The following ABCD4 variants were observed in gnomAD, a reference collection of about 807,000 sequenced individuals.
ABCD4 encodes ATP binding cassette subfamily D member 4.
In ABCD4, 53 loss-of-function variants were observed where a neutral mutation model predicts 86.3. That is an observed-to-expected ratio of 0.61 (90% CI 0.49 to 0.77). The LOEUF (loss-of-function observed/expected upper bound fraction) is 0.77, where lower values mean the gene tolerates loss of function less well. ABCD4 is among the 30% of genes least tolerant of loss of function. The pLI is 0.00. For missense variants in ABCD4, 757 were observed against 764.5 expected, an observed-to-expected ratio of 0.99 and a Z score of 0.12; for synonymous variants, 328 against 313.6, an observed-to-expected ratio of 1.05 and a Z score of -0.49.
chr14:74,292,238 A>T, intron 11 of ABCD4, 49 bp downstream of exon 11: 1 of 1,589,716 alleles, frequency 6.3e-7, no homozygotes, highest in Non-Finnish European at 8.6e-7. Context: ...AAGCCAGGTG[A>T]TGCCACAGCC....
At chr14:74,288,881 A>C (rs2080600909) in intron 14 of ABCD4, 116 bp from the exon 15 acceptor site, 5 of 1,308,234 alleles carry the variant, frequency 3.8e-6, no homozygotes, top group East Asian at 5.1e-5. Flanking sequence ...TGGGAGGCCG[A>C]GGCAGGTGGA....
chr14:74,301,983 C>T (rs2084710141), intron 1 of ABCD4, among the ~76,000 whole-genome samples: 1 of 149,900 alleles, frequency 6.7e-6, no homozygotes, highest in Non-Finnish European at 1.5e-5. Context: ...ATTACAAAAC[C>T]AGCCGCCACT....
rs1038436439 is a variant in ABCD4, at chr14:74,292,015, C to T, written c.1118+272G>A. On this transcript the variant is annotated intron_variant, in intron 11 of 18. Transcript: ENST00000356924. ...GAGAGGAATCAGCGGGAGGAGGAAG[C>T]ACAGGAAGGGGAGGACACTGCAGAT... is the stretch of plus-strand genomic sequence containing the variant. 2.0e-5 allele frequency among the ~76,000 whole-genome samples: 3 copies of T among 152,278 alleles called. No individual in the cohort carries two copies. In the South Asian group the frequency reaches 6.2e-4, roughly 32 times the overall value.
rs982830151 is a variant in ABCD4 at position 74,292,542 on chromosome 14, C to T, written c.1028+9G>A. On this transcript the variant is annotated intron_variant, in intron 10 of 18. Coordinates refer to ENST00000356924, the MANE Select transcript of ABCD4 (RefSeq NM_005050.4). Reference sequence around the variant, plus strand: ...GCTCAGGAGCCAGAGGGGTGGGACACGGCCTCACCTGTGCGTGTAGCCAGC... The same window carrying T: ...GCTCAGGAGCCAGAGGGGTGGGACATGGCCTCACCTGTGCGTGTAGCCAGC... 1.1e-5 allele frequency: 18 copies of T among 1,613,160 alleles called. No individual in the cohort carries two copies. Among genetic ancestry groups the T allele is most frequent in the African/African-American group, 6.7e-5 (5 of 74,916 alleles).
Position 74,299,644 on chromosome 14 carries a change from G to A in ABCD4, c.189C>T (p.Ile63=). 6.2e-7 allele frequency: 1 copy of A among 1,613,662 alleles called. No homozygotes were observed. The highest frequency in any genetic ancestry group is 1.1e-5 in the South Asian group (1 of 91,038). Reference sequence around the variant, plus strand: ...CCAGGACCCCATAGTACTGACTGGGGATCAAGCCAACCTGGTAGATCACAA... The same window carrying A: ...CCAGGACCCCATAGTACTGACTGGGAATCAAGCCAACCTGGTAGATCACAA... ...EQFVIYQVGL[I]PSQYYGVLGN... Residue 63 remains isoleucine, a synonymous_variant, in exon 3 of 19, where the codon ATC becomes ATT. Transcript: ENST00000356924.
chr14:74,301,054 A>G (rs2084327815), intron 1 of ABCD4, among the ~76,000 whole-genome samples: 1 of 151,766 alleles, frequency 6.6e-6, no homozygotes, highest in Admixed American at 6.6e-5. Context: ...GGGTTTCATC[A>G]TATTGGTCAG....
chr14:74,290,094 A>C lies in ABCD4; in HGVS notation c.1352T>G (p.Phe451Cys). Residue 451 changes from phenylalanine to cysteine, a missense_variant, in exon 13 of 19, where the codon TTT becomes TGT. Transcript: ENST00000356924. Reference protein sequence around the residue: ...TRGSVQMLTDFGPHGVLFLPQ... With the variant: ...TRGSVQMLTDCGPHGVLFLPQ... ...CAGGAATAGCACCCCATGGGGCCCAAAGTCCGTCAGCATCTGCACTGAGCC... is the reference window on the plus strand; with the variant it reads ...CAGGAATAGCACCCCATGGGGCCCACAGTCCGTCAGCATCTGCACTGAGCC... 6.2e-7 allele frequency: 1 copy of C among 1,614,070 alleles called. No homozygotes were observed. The highest frequency in any genetic ancestry group is 8.5e-7 in the Non-Finnish European group (1 of 1,180,006).
chr14:74,289,748 G>A (rs1176273288), intron 13 of ABCD4: 38 of 1,434,492 alleles, frequency 2.6e-5, no homozygotes, highest in Admixed American at 5.7e-5. Flanking sequence ...TGAGGGCAGG[G>A]GCCCCAGAAT....
chr14:74,292,321 CGCAGTCCTGT>C lies in ABCD4; in HGVS notation c.1074_1083del (p.Gln359ArgfsTer42). ...CCCCACTCGCTCTCGCCCAGGATCT[CGCAGTCCTGT>C]GACTTCAGGGACATGTCCAGAAGCG... On this transcript the variant is annotated frameshift_variant, in exon 11 of 19. Transcript: ENST00000356924. LOFTEE classifies it high-confidence loss of function. 1 of 1,614,096 alleles carries C rather than the reference CGCAGTCCTGT, an allele frequency of 6.2e-7. No individual in the cohort carries two copies. Among genetic ancestry groups the C allele is most frequent in the Non-Finnish European group, 8.5e-7 (1 of 1,180,032 alleles).
At chr14:74,294,963 A>G in intron 7 of ABCD4, 185 bp downstream of exon 7, 1 of 665,056 alleles carries the variant, frequency 1.5e-6, no homozygotes, top group Admixed American at 2.9e-5. Context: ...CAGCTTCAGA[A>G]GCAAACCCCT....
Position 74,300,322 on chromosome 14 carries a change from G to A in ABCD4, c.39-54C>T, listed in dbSNP as rs377343702. 1.4e-5 allele frequency: 17 copies of A among 1,193,840 alleles called. No homozygotes were observed. In the South Asian group the frequency reaches 2.0e-4, roughly 14 times the overall value. 74.0% of individuals were successfully genotyped at this position (1,193,840 alleles called of 1,614,324 possible). A position where few individuals can be genotyped will look rare whatever the true frequency, so the allele number is the denominator to read the frequency against. On this transcript the variant is annotated intron_variant, in intron 1 of 18. Coordinates refer to ENST00000356924, the MANE Select transcript of ABCD4 (RefSeq NM_005050.4). ...AGCCCAAGACAATAATTAAGCCTTA[G>A]GGAGTAGTTATTAAGCTCATCCACA...
chr14:74,292,199 T>C, intron 11 of ABCD4, 88 bp downstream of exon 11: 1 of 1,244,282 alleles, frequency 8.0e-7, no homozygotes, highest in Non-Finnish European at 1.2e-6. Flanking sequence ...GCTGCCCAGC[T>C]GGGAAAGGGC....
intron 17 of ABCD4, among the ~76,000 whole-genome samples, chr14:74,287,223 A>G (rs781710548): frequency 6.6e-6 from 1 of 152,000 alleles, no homozygotes; most frequent in Non-Finnish European, 1.5e-5. Context: ...TAACCCTTCA[A>G]TGTTGGCTCC....
At chr14:74,296,659 A>G in intron 4 of ABCD4, 1 of 550,064 alleles carries the variant, frequency 1.8e-6, no homozygotes, top group South Asian at 2.2e-5. Flanking sequence ...GTTGCATCTT[A>G]CGGTGCCTTA....
rs778245157 is a variant in ABCD4, at chr14:74,296,375, G to T, written c.500C>A (p.Ser167Tyr). 6.2e-7 allele frequency: 1 copy of T among 1,614,190 alleles called. No individual in the cohort carries two copies. Among genetic ancestry groups the T allele is most frequent in the Admixed American group, 1.7e-5 (1 of 60,024 alleles). Residue 167 changes from serine to tyrosine, a missense_variant, in exon 5 of 19, where the codon TCC (serine) becomes TAC (tyrosine). Physicochemically the swap from Ser to Tyr is moderately radical, Grantham distance 144. Coordinates refer to ENST00000356924, the MANE Select transcript of ABCD4 (RefSeq NM_005050.4). The stretch of plus-strand genomic sequence containing the variant: ...AGTGTAGTAGACGAGGGTGAACGGG[G>T]AGATGATGAGCTTGCTGGCCATGCT... ...LSSMASKLII[S>Y]PFTLVYYTYQ...
chr14:74,298,052 C>G lies in ABCD4; in HGVS notation c.303G>C (p.Gln101His). ...VLNSTLKSFD[Q>H]FTCNLLYVSW... Reference sequence around the variant, plus strand: ...TCACATACAGCAGGTTGCAGGTGAACTGATCAAAGCTCTTCAGCTGTGCAG... The same window carrying G: ...TCACATACAGCAGGTTGCAGGTGAAGTGATCAAAGCTCTTCAGCTGTGCAG... The change falls in exon 4 of 19, where the codon CAG becomes CAC. Residue 101 changes from glutamine to histidine, a missense_variant. Coordinates refer to ENST00000356924, the MANE Select transcript of ABCD4 (RefSeq NM_005050.4). The G allele has an allele frequency of 6.2e-7, 1 of 1,613,816 alleles. No individual in the cohort carries two copies. The highest frequency in any genetic ancestry group is 8.5e-7 in the Non-Finnish European group (1 of 1,179,954).
intron 11 of ABCD4, 102 bp from the exon 12 acceptor site, chr14:74,290,601 G>T: frequency 2.3e-6 from 2 of 860,096 alleles, no homozygotes; most frequent in Non-Finnish European, 1.9e-6. Context: ...ATTATTATGG[G>T]CTGACTTGCA....
At chr14:74,302,097 T>C (rs2084741261) in intron 1 of ABCD4, among the ~76,000 whole-genome samples, 1 of 152,032 alleles carries the variant, frequency 6.6e-6, no homozygotes, top group Non-Finnish European at 1.5e-5. Flanking sequence ...AAATTAGATA[T>C]GACCAGGACC....
chr14:74,292,226 C>G (rs1292684743), intron 11 of ABCD4, 61 bp downstream of exon 11: 10 of 1,558,304 alleles, frequency 6.4e-6, no homozygotes, highest in Non-Finnish European at 8.8e-6. Context: ...CCAGGGTAAC[C>G]CAAGCCAGGT....
Sources: gnomAD v4.1 joint callset for allele counts (sites outside exome capture counted in the v4.1 genomes callset) on GRCh38, gnomAD v4.1.1 for gene constraint, MANE v1.5 for transcripts, NCBI Gene and HGNC (gene_info 2026-07-23, HGNC 2026-07-21) for gene names.